The following ZNF131 variants were observed in gnomAD, a reference collection of about 807,000 sequenced individuals.
ZNF131 encodes zinc finger and BTB domain containing 35, also known as zinc finger protein 131.
In ZNF131, 7 loss-of-function variants were observed where a neutral mutation model predicts 60.0. The ratio of observed to expected loss-of-function variants is 0.12; its 90% confidence interval spans 0.07 to 0.22. ZNF131 has a LOEUF of 0.22. Among genes scored for constraint, ZNF131 ranks in the 10% least tolerant of loss-of-function variants. The probability of loss-of-function intolerance (pLI) is 1.00; values close to 1 mark genes in which losing one functional copy is unlikely to be tolerated. For synonymous variants in ZNF131, 257 were observed against 253.2 expected, an observed-to-expected ratio of 1.01 and a Z score of -0.14; for missense variants, 493 against 740.9, an observed-to-expected ratio of 0.67 and a Z score of 3.88.
chr5:43,132,485 C>T (rs1579734877), intron 3 of ZNF131, among the ~76,000 whole-genome samples: 2 of 146,362 alleles, frequency 1.4e-5, no homozygotes. Flanking sequence ...CATGAAAGTT[C>T]TAACTTCCTG....
chr5:43,136,650 C>CTTTTT (rs139991070), intron 3 of ZNF131, among the ~76,000 whole-genome samples: 3 of 122,530 alleles, frequency 2.4e-5, no homozygotes, highest in Admixed American at 9.3e-5. Flanking sequence ...TTTTCTTTTT[C>CTTTTT]TTTTTTTTTT....
At chr5:43,122,269 T>TTTTA (rs1554062176) in intron 2 of ZNF131, 92 bp downstream of exon 2, 12 of 1,096,378 alleles carry the variant, frequency 1.1e-5, no homozygotes, top group African/African-American at 1.7e-5. Context: ...TTTTTTTTTT[T>TTTTA]AACCCATCCT....
chr5:43,150,908 T>G (rs1226340899), intron 4 of ZNF131, among the ~76,000 whole-genome samples: 4 of 152,228 alleles, frequency 2.6e-5, no homozygotes, highest in Non-Finnish European at 5.9e-5. Context: ...CGTGTTGACC[T>G]TAATCATGCA....
At chr5:43,127,775 A>G (rs75519921) in intron 3 of ZNF131, among the ~76,000 whole-genome samples, 1,937 of 152,260 alleles carry the variant, frequency 0.013, 38 homozygotes, top group African/African-American at 0.044. Context: ...TGTGGCTTGG[A>G]TTCACACCAT....
chr5:43,142,961 G>T (rs1168474052), intron 4 of ZNF131, among the ~76,000 whole-genome samples: 2 of 151,912 alleles, frequency 1.3e-5, no homozygotes, highest in Admixed American at 6.6e-5. Context: ...CTCTCAAAGT[G>T]CCGGGATTGC....
At chr5:43,158,882 C>T (rs1318837987) in intron 4 of ZNF131, among the ~76,000 whole-genome samples, 3 of 151,466 alleles carry the variant, frequency 2.0e-5, no homozygotes, top group Non-Finnish European at 4.4e-5. Context: ...TTCTCAATGC[C>T]AAAAAACTGG....
chr5:43,167,063 A>AGG (rs2112040174), intron 5 of ZNF131, among the ~76,000 whole-genome samples: 1 of 152,278 alleles, frequency 6.6e-6, no homozygotes, highest in African/African-American at 2.4e-5. Flanking sequence ...TAGAGGAGAG[A>AGG]GGGAGGGAAG....
At chr5:43,174,369 T>C in intron 6 of ZNF131, 78 bp from the exon 7 acceptor site, 1 of 1,284,788 alleles carries the variant, frequency 7.8e-7, no homozygotes, top group Non-Finnish European at 1.0e-6. Flanking sequence ...AATCTTTTCT[T>C]TACAGAGAAT....
intron 3 of ZNF131, among the ~76,000 whole-genome samples, chr5:43,133,918 G>A (rs1199311085): frequency 1.3e-5 from 2 of 152,128 alleles, no homozygotes; most frequent in African/African-American, 4.8e-5. Context: ...AAAAGCGTAG[G>A]ACCAGATGGG....
Position 43,160,678 on chromosome 5 carries a change from C to CTTTTTTTTTTTTT in ZNF131, c.372-561_372-549dup, listed in dbSNP as rs71608692. Among the ~76,000 whole-genome samples, 132 of 93,040 alleles carry CTTTTTTTTTTTTT rather than the reference C, an allele frequency of 1.4e-3. 3 individuals are homozygous for CTTTTTTTTTTTTT. The highest frequency in any genetic ancestry group is 9.7e-3 in the East Asian group (25 of 2,590). The allele number at this position is 93,040 out of a possible 152,430, so 61.0% of individuals were successfully genotyped here. On this transcript the variant is annotated intron_variant, in intron 4 of 6. Transcript: ENST00000682664. ...TCACTGTTAAATGATTAGCTTGGAA[C>CTTTTTTTTTTTTT]TTTTTTTTTTTTTTTTTTTTTTGAG...
chr5:43,172,450 G>A (rs185771337), intron 5 of ZNF131, among the ~76,000 whole-genome samples: 28 of 152,180 alleles, frequency 1.8e-4, no homozygotes, highest in Non-Finnish European at 3.8e-4. Flanking sequence ...GTGAAACCCC[G>A]TCTATACTAA....
At chr5:43,143,954 G>A (rs1298171881) in intron 4 of ZNF131, among the ~76,000 whole-genome samples, 9 of 108,570 alleles carry the variant, frequency 8.3e-5, no homozygotes, top group African/African-American at 2.5e-4. Flanking sequence ...ACGGAGTCTC[G>A]CTCTGTCCCC....
At chr5:43,135,594 A>G (rs958588441) in intron 3 of ZNF131, among the ~76,000 whole-genome samples, 20 of 151,714 alleles carry the variant, frequency 1.3e-4, no homozygotes, top group Non-Finnish European at 2.2e-4. Flanking sequence ...TCCGGAAAAA[A>G]ATACAAAAAT....
At chr5:43,148,040 G>A (rs1327892712) in intron 4 of ZNF131, among the ~76,000 whole-genome samples, 1 of 134,396 alleles carries the variant, frequency 7.4e-6, no homozygotes, top group African/African-American at 2.6e-5. Flanking sequence ...AGCGACAAGA[G>A]TGCTTTTTTT....
chr5:43,170,186 T>C (rs953128559), intron 5 of ZNF131, among the ~76,000 whole-genome samples: 1 of 152,228 alleles, frequency 6.6e-6, no homozygotes, highest in African/African-American at 2.4e-5. Context: ...TTTAGTGATA[T>C]TGCCCATCAT....
At chr5:43,123,827 C>T (rs1744172900) in intron 3 of ZNF131, 1 of 152,466 alleles carries the variant, frequency 6.6e-6, no homozygotes, top group African/African-American at 2.4e-5. Context: ...GAAATTCTGG[C>T]TCTACAATGG....
chr5:43,170,824 A>G (rs1750894366), intron 5 of ZNF131, among the ~76,000 whole-genome samples: 1 of 139,844 alleles, frequency 7.2e-6, no homozygotes, highest in Non-Finnish European at 1.5e-5. Context: ...TTTAGTAGAG[A>G]TGGGGTTTTA....
At chr5:43,158,619 A>C (rs1749255612) in intron 4 of ZNF131, among the ~76,000 whole-genome samples, 2 of 152,190 alleles carry the variant, frequency 1.3e-5, no homozygotes, top group African/African-American at 4.8e-5. Flanking sequence ...TTATATCTGC[A>C]CACTTACTTC....
chr5:43,158,823 C>T (rs1407530880), intron 4 of ZNF131, among the ~76,000 whole-genome samples: 2 of 150,988 alleles, frequency 1.3e-5, no homozygotes, highest in African/African-American at 2.4e-5. Context: ...TCTGTGATGC[C>T]TCATCCTTCC....
Sources: allele counts gnomAD v4.1 joint callset (sites outside exome capture counted in the v4.1 genomes callset), GRCh38; gene constraint gnomAD v4.1.1; transcripts MANE v1.5; gene names NCBI Gene and HGNC (gene_info 2026-07-23, HGNC 2026-07-21).